Variants in DPP10 observed in about 807,000 individuals in gnomAD.
DPP10 encodes dipeptidyl peptidase like 10.
A neutral mutation model predicts 120.9 loss-of-function variants in DPP10; 33 were observed. The observed-to-expected ratio is 0.27, with a 90% CI of 0.21 to 0.37. The LOEUF (loss-of-function observed/expected upper bound fraction) is 0.37, where lower values mean the gene tolerates loss of function less well. DPP10 is among the 10% of genes least tolerant of loss of function. The pLI is 1.00. For missense variants in DPP10, 816 were observed against 942.8 expected (o/e 0.87, Z 1.76); for synonymous variants, 337 against 326.1 (o/e 1.03, Z -0.36).
intron 9 of DPP10, among the ~76,000 whole-genome samples, chr2:115,744,964 C>G (rs1677765621): frequency 6.7e-6 from 1 of 149,924 alleles, no homozygotes; most frequent in Admixed American, 7.1e-5. Context: ...ATATTAAGTA[C>G]CTTATTGGTA....
chr2:115,700,012 GGCC>G (rs1455297517), intron 7 of DPP10, among the ~76,000 whole-genome samples: 3 of 152,204 alleles, frequency 2.0e-5, no homozygotes, highest in Non-Finnish European at 4.4e-5. Context: ...TGGCTGGGAA[GGCC>G]TCAGGAAACT....
intron 1 of DPP10, among the ~76,000 whole-genome samples, chr2:114,959,645 C>T (rs900921063): frequency 7.9e-5 from 12 of 152,088 alleles, no homozygotes; most frequent in Non-Finnish European, 1.5e-4. Context: ...GTTAAGGAAC[C>T]GCCAAACTGT....
intron 5 of DPP10, among the ~76,000 whole-genome samples, chr2:115,578,391 C>T (rs939914569): frequency 6.6e-6 from 1 of 152,092 alleles, no homozygotes; most frequent in Admixed American, 6.6e-5. Flanking sequence ...CACAACCCCC[C>T]ACCCCTCCAA....
chr2:115,322,146 T>C (rs1414839234), intron 2 of DPP10, among the ~76,000 whole-genome samples: 1 of 152,140 alleles, frequency 6.6e-6, no homozygotes, highest in African/African-American at 2.4e-5. Flanking sequence ...AATATTACAG[T>C]TTGGAACTCT....
intron 1 of DPP10, among the ~76,000 whole-genome samples, chr2:114,591,190 C>T (rs1462656605): frequency 6.6e-6 from 1 of 152,166 alleles, no homozygotes; most frequent in Non-Finnish European, 1.5e-5. Context: ...TCTGCAGAAG[C>T]CAGATTGACA....
At chr2:115,477,626 T>G (rs773443177) in intron 3 of DPP10, among the ~76,000 whole-genome samples, 40 of 152,272 alleles carry the variant, frequency 2.6e-4, no homozygotes, top group Non-Finnish European at 5.6e-4. Context: ...CCCAATGATT[T>G]TTTGCATAAA....
chr2:115,204,360 G>A (rs1187414970), intron 1 of DPP10, among the ~76,000 whole-genome samples: 1 of 152,118 alleles, frequency 6.6e-6, no homozygotes, highest in East Asian at 1.9e-4. Flanking sequence ...TTCACGGGAA[G>A]AAGGAAAAAG....
chr2:115,449,244 T>C (rs1051559318), intron 3 of DPP10, among the ~76,000 whole-genome samples: 41 of 152,234 alleles, frequency 2.7e-4, no homozygotes, highest in African/African-American at 9.4e-4. Context: ...ATGCAAGATA[T>C]ACTGTGAGAG....
At chr2:115,288,736 A>T (rs998935111) in intron 1 of DPP10, among the ~76,000 whole-genome samples, 1 of 152,026 alleles carries the variant, frequency 6.6e-6, no homozygotes, top group Non-Finnish European at 1.5e-5. Context: ...AAAAGAAAAG[A>T]AAAGAAAGAA....
At chr2:115,114,259 A>G (rs950954036) in intron 1 of DPP10, among the ~76,000 whole-genome samples, 7 of 152,166 alleles carry the variant, frequency 4.6e-5, no homozygotes, top group Non-Finnish European at 7.4e-5. Context: ...TATGCCTCAA[A>G]CTGCAATTGT....
At chr2:115,415,877 GCACA>G (rs371038286) in intron 3 of DPP10, among the ~76,000 whole-genome samples, 1 of 50,120 alleles carries the variant, frequency 2.0e-5, no homozygotes, top group Admixed American at 2.2e-4. Flanking sequence ...ATATATATAT[GCACA>G]CACACACATA....
At chr2:114,507,050 C>CTTTTT (rs1227607834) in intron 1 of DPP10, among the ~76,000 whole-genome samples, 1 of 124,770 alleles carries the variant, frequency 8.0e-6, no homozygotes, top group Non-Finnish European at 1.7e-5. Context: ...CTTTTTTTTT[C>CTTTTT]TTTTTTTTTT....
At chr2:115,735,684 ATTTTTTTT>A (rs70941095) in intron 8 of DPP10, among the ~76,000 whole-genome samples, 8 of 62,462 alleles carry the variant, frequency 1.3e-4, no homozygotes, top group African/African-American at 5.7e-4. Flanking sequence ...CGCCCAGCTA[ATTTTTTTT>A]TTTTTTTTTT....
At chr2:115,454,071 A>T (rs2073334096) in intron 3 of DPP10, among the ~76,000 whole-genome samples, 1 of 151,666 alleles carries the variant, frequency 6.6e-6, no homozygotes, top group South Asian at 2.1e-4. Flanking sequence ...AAATTGAATT[A>T]GCAATTTAAT....
chr2:115,483,849 C>G (rs1216781933), intron 3 of DPP10, among the ~76,000 whole-genome samples: 2 of 152,042 alleles, frequency 1.3e-5, no homozygotes, highest in Non-Finnish European at 2.9e-5. Context: ...GGGCGTATAT[C>G]TATATCTTCT....
intron 1 of DPP10, among the ~76,000 whole-genome samples, chr2:114,777,564 G>A (rs319842): frequency 0.43 from 64,627 of 151,856 alleles, 14,249 homozygotes; most frequent in South Asian, 0.49. Flanking sequence ...TTGACCAAAT[G>A]CAAATGGCTG....
chr2:114,658,906 G>A (rs542621777), intron 1 of DPP10, among the ~76,000 whole-genome samples: 1 of 152,262 alleles, frequency 6.6e-6, no homozygotes, highest in South Asian at 2.1e-4. Context: ...ACCCCCACAT[G>A]TCGAGGGTGA....
chr2:115,302,245 G>A (rs1479086099), intron 1 of DPP10, among the ~76,000 whole-genome samples: 1 of 151,854 alleles, frequency 6.6e-6, no homozygotes, highest in East Asian at 1.9e-4. Context: ...TTCTCCAGTT[G>A]ATCCCACTAG....
Position 114,967,671 on chromosome 2 carries a change from G to A in DPP10, c.61-341568G>A, listed in dbSNP as rs368559596. On this transcript the variant is annotated intron_variant, in intron 1 of 25. Coordinates refer to ENST00000410059, the MANE Select transcript of DPP10 (RefSeq NM_020868.6). Reference sequence around the variant, plus strand: ...GGCTGGAAGGTTTATAAATCCCAGGGAGGTATGTTTTCAAAGCTGCTTATT... The same window carrying A: ...GGCTGGAAGGTTTATAAATCCCAGGAAGGTATGTTTTCAAAGCTGCTTATT... Among the ~76,000 whole-genome samples, 7 of 152,286 alleles carry A rather than the reference G, an allele frequency of 4.6e-5. No individual in the cohort carries two copies. In the East Asian group the frequency reaches 1.2e-3, roughly 25 times the overall value.
Sources: gnomAD v4.1 joint callset for allele counts (sites outside exome capture counted in the v4.1 genomes callset) on GRCh38, gnomAD v4.1.1 for gene constraint, MANE v1.5 for transcripts, NCBI Gene and HGNC (gene_info 2026-07-23, HGNC 2026-07-21) for gene names.